The following CALB2 variants were observed in gnomAD, a reference collection of about 807,000 sequenced individuals.
The protein encoded by CALB2 is calretinin.
CALB2 carries 34 observed loss-of-function variants against 45.9 expected under a neutral mutation model. The observed-to-expected ratio is 0.74, with a 90% CI of 0.56 to 0.99. CALB2 has a LOEUF of 0.99. CALB2 is among the 50% of genes least tolerant of loss of function. CALB2 has a pLI of 0.00. For missense variants in CALB2, 344 were observed against 339.3 expected (o/e 1.01, Z -0.11); for synonymous variants, 142 against 129.6 (o/e 1.10, Z -0.65).
intron 3 of CALB2, among the ~76,000 whole-genome samples, chr16:71,375,894 A>G (rs535736505): frequency 6.6e-6 from 1 of 152,254 alleles, no homozygotes; most frequent in Admixed American, 6.5e-5. Context: ...TTGGGCAAGG[A>G]GGGGACCTGT....
intron 3 of CALB2, among the ~76,000 whole-genome samples, chr16:71,375,142 C>G (rs1424160747): frequency 1.3e-5 from 2 of 152,356 alleles, no homozygotes; most frequent in Non-Finnish European, 2.9e-5. Context: ...GACAGGTGAA[C>G]AGGAGACTCT....
At chr16:71,378,219 C>G (rs74388737) in intron 4 of CALB2, among the ~76,000 whole-genome samples, 3 of 151,324 alleles carry the variant, frequency 2.0e-5, no homozygotes, top group Non-Finnish European at 4.4e-5. Flanking sequence ...AGAGAGACTC[C>G]GTCTCAAAAA....
At chr16:71,359,118 C>T (rs999177938) in intron 1 of CALB2, among the ~76,000 whole-genome samples, 4 of 152,248 alleles carry the variant, frequency 2.6e-5, no homozygotes, top group African/African-American at 9.6e-5. Context: ...CCCGCATTTG[C>T]ACCTTTATTC....
At chr16:71,380,287 CTTTT>C (rs1195831092) in intron 4 of CALB2, among the ~76,000 whole-genome samples, 1,194 of 87,112 alleles carry the variant, frequency 0.014, 39 homozygotes, top group African/African-American at 0.048. Flanking sequence ...TCTTTCCTTC[CTTTT>C]CTTTTTTTTT....
chr16:71,374,483 G>C (rs1042205999), intron 2 of CALB2, among the ~76,000 whole-genome samples: 1 of 152,182 alleles, frequency 6.6e-6, no homozygotes, highest in Admixed American at 6.5e-5. Flanking sequence ...CTCAAAGGCA[G>C]CAGGGCATGT....
At chr16:71,380,199 G>C in intron 4 of CALB2, among the ~76,000 whole-genome samples, 1 of 150,828 alleles carries the variant, frequency 6.6e-6, no homozygotes, top group Non-Finnish European at 1.5e-5. Context: ...CATCTCCCCG[G>C]ACCCTTTTCT....
intron 1 of CALB2, among the ~76,000 whole-genome samples, 156 bp from the exon 2 acceptor site, chr16:71,371,997 C>A (rs571365148): frequency 6.6e-6 from 1 of 152,196 alleles, no homozygotes; most frequent in Non-Finnish European, 1.5e-5. Flanking sequence ...TGCAAATGCC[C>A]TGAGGGCTGG....
intron 10 of CALB2, among the ~76,000 whole-genome samples, chr16:71,386,639 G>A (rs183730996): frequency 6.6e-5 from 10 of 152,288 alleles, no homozygotes; most frequent in South Asian, 6.2e-4. Flanking sequence ...AGCTGTCTTC[G>A]TTCACCGCCT....
In CALB2 at chr16:71,390,027, G is replaced by C; in HGVS notation, c.*162G>C. The C allele has an allele frequency of 1.7e-6, 1 of 592,496 alleles. No individual in the cohort carries two copies. The highest frequency in any genetic ancestry group is 2.9e-6 in the Non-Finnish European group (1 of 339,280). The allele number at this position is 592,496 out of a possible 1,614,324, so 36.7% of individuals were successfully genotyped here. A position where few individuals can be genotyped will look rare whatever the true frequency, so the allele number is the denominator to read the frequency against. Reference sequence around the variant, plus strand: ...ATGAGAGATAGAGGATGGGCAGCTGGGGGGCTGTCCTGAGCCCCCTGCACC... The same window carrying C: ...ATGAGAGATAGAGGATGGGCAGCTGCGGGGCTGTCCTGAGCCCCCTGCACC... On this transcript the variant is annotated 3_prime_UTR_variant, in exon 11 of 11. Coordinates refer to ENST00000302628, the MANE Select transcript of CALB2 (RefSeq NM_001740.5).
chr16:71,381,409 C>CA (rs72039915), intron 4 of CALB2, among the ~76,000 whole-genome samples: 20,825 of 134,508 alleles, frequency 0.15, 1,593 homozygotes, highest in South Asian at 0.23. Flanking sequence ...TGTCTTGTGA[C>CA]AAAAAAAAAA....
intron 1 of CALB2, among the ~76,000 whole-genome samples, chr16:71,364,096 T>G (rs974535293): frequency 3.9e-5 from 6 of 152,150 alleles, no homozygotes; most frequent in Admixed American, 6.5e-5. Context: ...TTGTGGAGTG[T>G]CCACGTGCAG....
At position 71,384,842 on chromosome 16, in the gene CALB2, A is replaced by T; in HGVS notation, c.627+6A>T. ...TCTTCACATTTTACGACAAGGTAAG[A>T]GAGGGAGTTGGCATGGCAGGGAAAA... On this transcript the variant is annotated splice_donor_region_variant and intron_variant, in intron 9 of 10. Transcript: ENST00000302628. 6.2e-7 allele frequency: 1 copy of T among 1,612,230 alleles called. No homozygotes were observed. Among genetic ancestry groups the T allele is most frequent in the Non-Finnish European group, 8.5e-7 (1 of 1,178,770 alleles).
At chr16:71,359,602 T>C (rs2042218029) in intron 1 of CALB2, among the ~76,000 whole-genome samples, 1 of 152,158 alleles carries the variant, frequency 6.6e-6, no homozygotes, top group East Asian at 1.9e-4. Context: ...CCTCAGTGAC[T>C]AACCCTCTGC....
chr16:71,383,507 C>A, intron 6 of CALB2, 63 bp downstream of exon 6: 1 of 1,458,930 alleles, frequency 6.9e-7, no homozygotes, highest in East Asian at 2.3e-5. Flanking sequence ...GCCACTTGGG[C>A]TCTGGTGTGC....
intron 1 of CALB2, among the ~76,000 whole-genome samples, chr16:71,362,960 A>T (rs1185150954): frequency 6.6e-6 from 1 of 152,172 alleles, no homozygotes; most frequent in Non-Finnish European, 1.5e-5. Context: ...CAGGAAGATC[A>T]CTTGAAGCCA....
intron 10 of CALB2, 107 bp from the exon 11 acceptor site, chr16:71,389,642 G>A: frequency 1.2e-6 from 1 of 810,850 alleles, no homozygotes; most frequent in Non-Finnish European, 2.2e-6. Flanking sequence ...ATCCTGGGAT[G>A]AGATGAGAGA....
intron 3 of CALB2, 53 bp from the exon 4 acceptor site, chr16:71,377,614 G>C (rs1230228330): frequency 7.6e-7 from 1 of 1,307,244 alleles, no homozygotes; most frequent in Non-Finnish European, 1.1e-6. Context: ...AATCTGCTCT[G>C]CTCCCTGTCA....
Position 71,390,049 on chromosome 16 carries a change from C to T in CALB2, c.*184C>T. On this transcript the variant is annotated 3_prime_UTR_variant, in exon 11 of 11. Transcript: ENST00000302628. ...CTGGGGGGCTGTCCTGAGCCCCCTG[C>T]ACCCACCCCTGCCCAGGCAGTCTTT... 1 of 587,246 alleles carries T rather than the reference C, an allele frequency of 1.7e-6. No homozygotes were observed. The highest frequency in any genetic ancestry group is 2.0e-5 in the South Asian group (1 of 49,134). The allele number at this position is 587,246 out of a possible 1,614,324, so 36.4% of individuals were successfully genotyped here. A position where few individuals can be genotyped will look rare whatever the true frequency, so the allele number is the denominator to read the frequency against.
chr16:71,372,160 G>C lies in CALB2; in HGVS notation c.102G>C (p.Gly34=). ...TTCTCTCTCTTTTTACAGGAAATGG[G>C]TATATTGAAGGTAAAGAGCTAGAAA... ...IWKHFDADGN[G]YIEGKELENF... Residue 34 remains glycine (G), a synonymous_variant, in exon 2 of 11, where the codon GGG becomes GGC. Coordinates refer to ENST00000302628, the MANE Select transcript of CALB2 (RefSeq NM_001740.5). The C allele has an allele frequency of 6.2e-7, 1 of 1,606,936 alleles. No homozygotes were observed. Among genetic ancestry groups the C allele is most frequent in the Non-Finnish European group, 8.5e-7 (1 of 1,174,058 alleles).
Sources: gnomAD v4.1 joint callset for allele counts (sites outside exome capture counted in the v4.1 genomes callset) on GRCh38, gnomAD v4.1.1 for gene constraint, MANE v1.5 for transcripts, NCBI Gene and HGNC (gene_info 2026-07-23, HGNC 2026-07-21) for gene names.